UNC13C: variants seen among roughly 807,000 people sequenced by gnomAD.
UNC13C encodes the protein protein unc-13 homolog C.
A neutral mutation model predicts 245.4 loss-of-function variants in UNC13C; 174 were observed. The ratio of observed to expected loss-of-function variants is 0.71; its 90% CI spans 0.63 to 0.80. UNC13C has a LOEUF of 0.80. Ranked by LOEUF, UNC13C falls within the 30% of genes least tolerant of loss-of-function variation. The pLI is 0.00. For missense variants in UNC13C, 2,829 were observed against 2,602.9 expected (o/e 1.09, Z -1.89); for synonymous variants, 992 against 895.1 (o/e 1.11, Z -1.93).
At chr15:54,220,285 T>A (rs2140779843) in intron 4 of UNC13C, among the ~76,000 whole-genome samples, 1 of 150,580 alleles carries the variant, frequency 6.6e-6, no homozygotes, top group South Asian at 2.1e-4. Context: ...GATGAGTTCA[T>A]GTCCTTTGTA....
At chr15:54,250,173 A>G in intron 7 of UNC13C, 52 bp from the exon 8 acceptor site, 1 of 1,538,848 alleles carries the variant, frequency 6.5e-7, no homozygotes, top group Non-Finnish European at 9.0e-7. Flanking sequence ...TTTTGAAACA[A>G]TTCAAATCCA....
chr15:54,141,209 T>A (rs1232465762), intron 2 of UNC13C, among the ~76,000 whole-genome samples: 1 of 152,216 alleles, frequency 6.6e-6, no homozygotes, highest in Non-Finnish European at 1.5e-5. Flanking sequence ...ATATAGTTAC[T>A]CTGTTGACTC....
At chr15:54,508,157 C>T (rs1364847532) in intron 23 of UNC13C, among the ~76,000 whole-genome samples, 1 of 148,492 alleles carries the variant, frequency 6.7e-6, no homozygotes, top group South Asian at 2.1e-4. Context: ...ATTGATTATA[C>T]TCAAAAAGCA....
At chr15:54,218,378 T>C (rs920575457) in intron 4 of UNC13C, among the ~76,000 whole-genome samples, 1 of 152,002 alleles carries the variant, frequency 6.6e-6, no homozygotes, top group African/African-American at 2.4e-5. Flanking sequence ...GAGGAGATAC[T>C]TATGGATCAG....
chr15:54,266,781 T>G (rs752696578), intron 10 of UNC13C, among the ~76,000 whole-genome samples: 8 of 152,092 alleles, frequency 5.3e-5, no homozygotes, highest in Non-Finnish European at 8.8e-5. Context: ...ATATTCTTTA[T>G]GCCTCATGGA....
intron 4 of UNC13C, among the ~76,000 whole-genome samples, chr15:54,157,987 T>G (rs1400272727): frequency 1.3e-5 from 2 of 152,178 alleles, no homozygotes; most frequent in African/African-American, 4.8e-5. Flanking sequence ...AAAATAGTAA[T>G]TGCCTACTCC....
intron 2 of UNC13C, among the ~76,000 whole-genome samples, chr15:54,047,567 G>A (rs1897093403): frequency 6.6e-6 from 1 of 152,012 alleles, no homozygotes; most frequent in Non-Finnish European, 1.5e-5. Context: ...TCCTGTTGTA[G>A]CATTTATCAG....
At chr15:54,551,595 A>C (rs1157568874) in intron 28 of UNC13C, among the ~76,000 whole-genome samples, 1 of 152,034 alleles carries the variant, frequency 6.6e-6, no homozygotes, top group East Asian at 1.9e-4. Flanking sequence ...CAATTCACTG[A>C]ATTCTTTTTT....
intron 24 of UNC13C, among the ~76,000 whole-genome samples, chr15:54,516,732 G>A (rs951702161): frequency 4.0e-5 from 6 of 150,602 alleles, no homozygotes; most frequent in Non-Finnish European, 5.9e-5. Flanking sequence ...CCCTAGAGGC[G>A]GAGGTTGCAG....
intron 4 of UNC13C, among the ~76,000 whole-genome samples, chr15:54,211,476 T>A (rs2034875556): frequency 6.6e-6 from 1 of 152,120 alleles, no homozygotes; most frequent in Non-Finnish European, 1.5e-5. Flanking sequence ...CATTTGCCTT[T>A]TTTCCTAGTA....
intron 4 of UNC13C, among the ~76,000 whole-genome samples, chr15:54,161,642 A>G (rs2032979515): frequency 6.6e-6 from 1 of 151,930 alleles, no homozygotes; most frequent in South Asian, 2.1e-4. Context: ...GCCTTTTGTC[A>G]GTTATCATTA....
At chr15:54,172,790 G>A (rs971594615) in intron 4 of UNC13C, among the ~76,000 whole-genome samples, 1 of 130,800 alleles carries the variant, frequency 7.6e-6, no homozygotes, top group Admixed American at 8.1e-5. Flanking sequence ...TTTGGGTCTT[G>A]TCTAAGAAGT....
upstream of UNC13C, among the ~76,000 whole-genome samples, chr15:53,973,208 A>C (rs576678657): frequency 2.0e-5 from 3 of 152,200 alleles, no homozygotes; most frequent in South Asian, 6.2e-4. Flanking sequence ...ATTTTAAAAC[A>C]TTTACTCCTC....
intron 4 of UNC13C, among the ~76,000 whole-genome samples, chr15:54,206,146 C>T (rs1236087322): frequency 2.0e-5 from 3 of 151,960 alleles, no homozygotes; most frequent in Admixed American, 6.6e-5. Context: ...ATGTTATGCA[C>T]ATCACAAAAA....
At chr15:54,587,045 G>A (rs1261680738) in intron 30 of UNC13C, among the ~76,000 whole-genome samples, 1 of 152,038 alleles carries the variant, frequency 6.6e-6, no homozygotes, top group African/African-American at 2.4e-5. Context: ...TACCAATATG[G>A]CTGAAAACTA....
chr15:54,598,050 A>G (rs1219325711), intron 30 of UNC13C, among the ~76,000 whole-genome samples: 1 of 152,210 alleles, frequency 6.6e-6, no homozygotes, highest in Non-Finnish European at 1.5e-5. Flanking sequence ...AAAACTTTCC[A>G]GGCATATTGT....
At chr15:54,228,244 C>T (rs2035450863) in intron 4 of UNC13C, among the ~76,000 whole-genome samples, 1 of 152,024 alleles carries the variant, frequency 6.6e-6, no homozygotes, top group Non-Finnish European at 1.5e-5. Context: ...GTTCTTTTTT[C>T]AAAGCAATGT....
At chr15:54,544,490 A>G (rs1241348491) in intron 26 of UNC13C, among the ~76,000 whole-genome samples, 1 of 152,212 alleles carries the variant, frequency 6.6e-6, no homozygotes. Context: ...TCAAATAGGA[A>G]AAGAGGAAGT....
At chr15:54,582,418 G>A (rs528687869) in intron 30 of UNC13C, among the ~76,000 whole-genome samples, 1 of 152,308 alleles carries the variant, frequency 6.6e-6, no homozygotes, top group East Asian at 1.9e-4. Flanking sequence ...ATGAGATATA[G>A]TTAAGAGAGT....
Sources: allele counts gnomAD v4.1 joint callset (sites outside exome capture counted in the v4.1 genomes callset), GRCh38; gene constraint gnomAD v4.1.1; transcripts MANE v1.5; gene names NCBI Gene and HGNC (gene_info 2026-07-23, HGNC 2026-07-21).